The following WDR33 variants were observed in gnomAD, a reference collection of about 807,000 sequenced individuals.
WDR33 encodes pre-mRNA 3' end processing protein WDR33.
WDR33 carries 47 observed loss-of-function variants against 164.9 expected under a neutral mutation model. That is an observed-to-expected ratio of 0.29 (90% CI 0.23 to 0.36). The LOEUF (loss-of-function observed/expected upper bound fraction) is 0.36, where lower values mean the gene tolerates loss of function less well. Among genes scored for constraint, WDR33 ranks in the 10% least tolerant of loss-of-function variants. The probability of loss-of-function intolerance (pLI) is 1.00; values close to 1 mark genes in which losing one functional copy is unlikely to be tolerated. For missense variants in WDR33, 1,137 were observed against 1,754.1 expected (o/e 0.65, Z 6.28); for synonymous variants, 505 against 589.0 (o/e 0.86, Z 2.06).
intron 3 of WDR33, 126 bp downstream of exon 3, chr2:127,768,807 G>A (rs1323404488): frequency 5.1e-6 from 3 of 588,890 alleles, no homozygotes; most frequent in Non-Finnish European, 8.8e-6. Context: ...TTATCCCTTT[G>A]GGAATATTTT....
In WDR33 at chr2:127,721,937, C is replaced by T; in HGVS notation, c.1570G>A (p.Asp524Asn). 1 of 1,613,436 alleles carries T rather than the reference C, an allele frequency of 6.2e-7. No individual in the cohort carries two copies. Among genetic ancestry groups the T allele is most frequent in the Non-Finnish European group, 8.5e-7 (1 of 1,179,872 alleles). ...PIPAPNEVLN[D>N]RKEDIKLEEK... is the part of the protein sequence containing the mutation. ...TCCAATTTAATGTCTTCTTTTCTGTCATTCAGCACCTCATTTGGAGCAGGA... is the reference window on the plus strand; with the variant it reads ...TCCAATTTAATGTCTTCTTTTCTGTTATTCAGCACCTCATTTGGAGCAGGA... The change falls in exon 15 of 22, where the codon GAC becomes AAC. Residue 524 changes from aspartate to asparagine, a missense_variant. By Grantham distance (23) the Asp-to-Asn change is conservative. This residue lies in a region of WDR33 where 75 missense variants were observed against 124.7 expected (regional missense o/e 0.60). Coordinates refer to ENST00000322313, the MANE Select transcript of WDR33 (RefSeq NM_018383.5). The surrounding 1 kb of genome is among the most constrained non-coding windows in gnomAD (Gnocchi z 4.9).
chr2:127,745,144 T>C (rs1322001774), intron 7 of WDR33, among the ~76,000 whole-genome samples: 1 of 152,210 alleles, frequency 6.6e-6, no homozygotes, highest in Admixed American at 6.5e-5. Flanking sequence ...TTAAAACGCA[T>C]ACTGAGAGCG....
At chr2:127,778,745 A>C (rs1176503013) in intron 1 of WDR33, among the ~76,000 whole-genome samples, 1 of 152,176 alleles carries the variant, frequency 6.6e-6, no homozygotes, top group Non-Finnish European at 1.5e-5. Context: ...CAGGGGAGAG[A>C]CACTTGAGAA....
rs146826165 is a variant in WDR33 at position 127,704,829 on chromosome 2, T to G, written c.*1494A>C. 3.6e-5 allele frequency: 6 copies of G among 167,100 alleles called. No homozygotes were observed. In the East Asian group the frequency reaches 1.2e-3, roughly 32 times the overall value. 10.4% of individuals were successfully genotyped at this position (167,100 alleles called of 1,614,324 possible). On this transcript the variant is annotated 3_prime_UTR_variant, in exon 22 of 22. Transcript: ENST00000322313. ...GCGGCCAGGTACTGTGGCTCAGATC[T>G]GCAATCCCAGCACTTTGGGAGGCCA...
intron 1 of WDR33, among the ~76,000 whole-genome samples, chr2:127,804,648 A>C (rs1035506912): frequency 6.6e-6 from 1 of 152,246 alleles, no homozygotes; most frequent in African/African-American, 2.4e-5. Flanking sequence ...TCTTTGAACT[A>C]TTCTTCCAAC....
At position 127,714,525 on chromosome 2, in the gene WDR33, C is replaced by T. The variant is rs1260066902; in HGVS notation, c.2870-504G>A. 6.6e-6 allele frequency among the ~76,000 whole-genome samples: 1 copy of T among 152,188 alleles called. No homozygotes were observed. Among genetic ancestry groups the T allele is most frequent in the Non-Finnish European group, 1.5e-5 (1 of 68,024 alleles). On this transcript the variant is annotated intron_variant, in intron 17 of 21. Transcript: ENST00000322313. The surrounding 1 kb of genome is among the most constrained non-coding windows in gnomAD (Gnocchi z 4.3). ...AACCCCAGCTTGTTGCACTTGATTC[C>T]TCTGTAAGGTACATGCAATCACCAG... is the stretch of plus-strand genomic sequence containing the variant.
At chr2:127,772,948 C>T (rs1388269093) in intron 1 of WDR33, among the ~76,000 whole-genome samples, 1 of 141,022 alleles carries the variant, frequency 7.1e-6, no homozygotes, top group Non-Finnish European at 1.5e-5. Context: ...CATAGTGAGA[C>T]TCCATCTCTA....
chr2:127,754,491 T>C (rs146731402), intron 7 of WDR33, among the ~76,000 whole-genome samples: 1 of 152,118 alleles, frequency 6.6e-6, no homozygotes, highest in Non-Finnish European at 1.5e-5. Context: ...CGATCTCGGC[T>C]CACTGCAGCC....
chr2:127,765,037 A>C, intron 5 of WDR33, 58 bp from the exon 6 acceptor site: 1 of 1,588,456 alleles, frequency 6.3e-7, no homozygotes, highest in Non-Finnish European at 8.6e-7. Context: ...ATATGACTAA[A>C]GGCTTACAAG....
chr2:127,762,529 TA>T (rs1173332765), intron 7 of WDR33: 180 of 985,606 alleles, frequency 1.8e-4, no homozygotes, highest in Non-Finnish European at 2.1e-4. Context: ...TTATTAATTA[TA>T]AAATCAACAA....
In WDR33 at chr2:127,717,197, T is replaced by C. The variant is rs367967467; in HGVS notation, c.2827A>G (p.Ile943Val). The change falls in exon 17 of 22, where the codon ATT becomes GTT. Residue 943 changes from isoleucine to valine, a missense_variant. Ile to Val is a conservative substitution (Grantham distance 29, BLOSUM62 3). Coordinates refer to ENST00000322313, the MANE Select transcript of WDR33 (RefSeq NM_018383.5). The surrounding 1 kb of genome is among the most constrained non-coding windows in gnomAD (Gnocchi z 5.6). ...GLGQQGAQGR[I>V]PPLNPGQGPG... is the part of the protein sequence containing the mutation. ...CCTTGTCCGGGGTTCAGAGGGGGAA[T>C]GCGACCTTGTGCTCCCTGCTGCCCT... 1.8e-5 allele frequency: 29 copies of C among 1,609,918 alleles called. No homozygotes were observed. The highest frequency in any genetic ancestry group is 2.5e-5 in the Non-Finnish European group (29 of 1,178,096).
In WDR33 at chr2:127,763,283, G is replaced by A. The variant is rs1687731393; in HGVS notation, c.627-124C>T. The A allele has an allele frequency of 2.0e-6, 3 of 1,509,280 alleles. No homozygotes were observed. The allele number at this position is 1,509,280 out of a possible 1,614,324, so 93.5% of individuals were successfully genotyped here. On this transcript the variant is annotated intron_variant, in intron 6 of 21. Coordinates refer to ENST00000322313, the MANE Select transcript of WDR33 (RefSeq NM_018383.5). This position sits in a 1 kb window ranked among gnomAD's most constrained non-coding sequence, Gnocchi z 4.5. ...TAAACAGGAGAGGGAAGAATCCAGTGAAGAAGCCCTTAAAGTGAATGTCGT... is the reference window on the plus strand; with the variant it reads ...TAAACAGGAGAGGGAAGAATCCAGTAAAGAAGCCCTTAAAGTGAATGTCGT...
rs559758573 is a variant in WDR33, at chr2:127,772,220, G to A, written c.-23-1216C>T. Among the ~76,000 whole-genome samples the A allele has an allele frequency of 1.8e-3, 267 of 152,056 alleles. 1 individual carries two copies. Among genetic ancestry groups the A allele is most frequent in the Non-Finnish European group, 2.9e-3 (197 of 67,972 alleles). On this transcript the variant is annotated intron_variant, in intron 1 of 21. Coordinates refer to ENST00000322313, the MANE Select transcript of WDR33 (RefSeq NM_018383.5). ...GGGAGGCCGAGATGGGCGGATCACCGGAGGTCAGGAGTTCAAGACCAGCCT... is the reference window on the plus strand; with the variant it reads ...GGGAGGCCGAGATGGGCGGATCACCAGAGGTCAGGAGTTCAAGACCAGCCT...
chr2:127,727,611 G>A (rs1001356882), intron 7 of WDR33, among the ~76,000 whole-genome samples: 1 of 152,054 alleles, frequency 6.6e-6, no homozygotes, highest in Non-Finnish European at 1.5e-5. Context: ...CCGTGCTAGA[G>A]CATTAGCTCA....
Position 127,710,908 on chromosome 2 carries a change from T to C in WDR33, c.3309-1052A>G, listed in dbSNP as rs57220538. On this transcript the variant is annotated intron_variant, in intron 18 of 21. Transcript: ENST00000322313. This position sits in a 1 kb window ranked among gnomAD's most constrained non-coding sequence, Gnocchi z 4.4. ...ATCCTCCACCCAGATCAATCCCTTC[T>C]TAATATTTTGCCACACGTGCTTTAT... Among the ~76,000 whole-genome samples, 9,388 of 152,246 alleles carry C rather than the reference T, an allele frequency of 0.062. 581 individuals are homozygous for C. The highest frequency in any genetic ancestry group is 0.16 in the African/African-American group (6,611 of 41,510).
chr2:127,756,683 C>T (rs1687530413), intron 7 of WDR33, among the ~76,000 whole-genome samples: 1 of 152,086 alleles, frequency 6.6e-6, no homozygotes, highest in Admixed American at 6.6e-5. Flanking sequence ...GAACAGACAA[C>T]TACAGAATAA....
chr2:127,705,111 A>C lies in WDR33; in HGVS notation c.*1212T>G, dbSNP rs1685982705. On this transcript the variant is annotated 3_prime_UTR_variant, in exon 22 of 22. Transcript: ENST00000322313. This position sits in a 1 kb window ranked among gnomAD's most constrained non-coding sequence, Gnocchi z 4.5. ...AAAAAAGAAACTTCCAGCACCACTA[A>C]ATTTGCCAAATAAATTTGACTGATG... The C allele has an allele frequency of 6.0e-6, 1 of 167,080 alleles. No individual in the cohort carries two copies. Among genetic ancestry groups the C allele is most frequent in the Non-Finnish European group, 1.5e-5 (1 of 68,138 alleles). The allele number at this position is 167,080 out of a possible 1,614,324, so 10.3% of individuals were successfully genotyped here. A position where few individuals can be genotyped will look rare whatever the true frequency, so the allele number is the denominator to read the frequency against.
Position 127,735,272 on chromosome 2 carries a change from G to GATCACCCCTCCTCCACCTC in WDR33, c.725-8514_725-8496dup. On this transcript the variant is annotated intron_variant, in intron 7 of 21. Coordinates refer to ENST00000322313, the MANE Select transcript of WDR33 (RefSeq NM_018383.5). The surrounding 1 kb of genome is among the most constrained non-coding windows in gnomAD (Gnocchi z 4.3). The stretch of plus-strand genomic sequence containing the variant: ...TCAGGCCCTCACCCCTCCTCCACCT[G>GATCACCCCTCCTCCACCTC]ATCACCCCTCCTCCACCTCATCAGA... The GATCACCCCTCCTCCACCTC allele has an allele frequency of 1.6e-6, 1 of 616,596 alleles. No homozygotes were observed. The highest frequency in any genetic ancestry group is 2.0e-6 in the Non-Finnish European group (1 of 493,402). The allele number at this position is 616,596 out of a possible 1,614,324, so 38.2% of individuals were successfully genotyped here. A position where few individuals can be genotyped will look rare whatever the true frequency, so the allele number is the denominator to read the frequency against.
In WDR33 at chr2:127,706,393, C is replaced by T. The variant is rs1202894124; in HGVS notation, c.3941G>A (p.Gly1314Asp). The change falls in exon 22 of 22, where the codon GGT (glycine) becomes GAT (aspartate). Residue 1314 changes from glycine (G) to aspartate (D), a missense_variant. This residue lies in a region of WDR33 where 867 missense variants were observed against 1,073.0 expected (regional missense o/e 0.81). Transcript: ENST00000322313. The surrounding 1 kb of genome is among the most constrained non-coding windows in gnomAD (Gnocchi z 5.1). The part of the protein sequence containing the change: ...SRGGRSGSNW[G>D]RGSNMNSGPP... ...GCCAGAGTTCATGTTACTCCCTCTACCCCAGTTACTGCCACTCCGGCCCCC... is the reference window on the plus strand; with the variant it reads ...GCCAGAGTTCATGTTACTCCCTCTATCCCAGTTACTGCCACTCCGGCCCCC... The T allele has an allele frequency of 1.2e-6, 2 of 1,613,200 alleles. No individual in the cohort carries two copies. Among genetic ancestry groups the T allele is most frequent in the East Asian group, 2.2e-5 (1 of 44,862 alleles).
Sources: gnomAD v4.1 joint callset for allele counts (sites outside exome capture counted in the v4.1 genomes callset) on GRCh38, gnomAD v4.1.1 for gene constraint, gnomAD v4.1.1 regional missense constraint, Gnocchi (gnomAD v3.1) non-coding constraint, MANE v1.5 for transcripts, NCBI Gene and HGNC (gene_info 2026-07-23, HGNC 2026-07-21) for gene names.